The following THSD4 variants were observed in gnomAD, a reference collection of about 807,000 sequenced individuals.
The protein encoded by THSD4 is thrombospondin type 1 domain containing 4.
In THSD4, 69 loss-of-function variants were observed where a neutral mutation model predicts 119.0. That is an observed-to-expected ratio of 0.58 (90% confidence interval 0.48 to 0.71). The LOEUF is 0.71. Ranked by LOEUF, THSD4 falls within the 30% of genes least tolerant of loss-of-function variation. The pLI, the probability that THSD4 is intolerant of heterozygous loss-of-function variation, is 0.00. For synonymous variants in THSD4, 524 were observed against 540.4 expected (o/e 0.97, Z 0.42); for missense variants, 1,393 against 1,391.1 (o/e 1.00, Z -0.02).
At chr15:71,611,135 C>T (rs1313951834) in intron 7 of THSD4, among the ~76,000 whole-genome samples, 2 of 152,190 alleles carry the variant, frequency 1.3e-5, no homozygotes, top group African/African-American at 2.4e-5. Context: ...TGGCCTGAGC[C>T]GTGATTATGC....
chr15:71,747,135 T>C, intron 13 of THSD4, 93 bp downstream of exon 13: 1 of 1,418,194 alleles, frequency 7.1e-7, no homozygotes, highest in Non-Finnish European at 9.5e-7. Context: ...TGGGTAACCC[T>C]GAGTTCCACA....
rs58309087 is a variant in THSD4 at position 71,682,855 on chromosome 15, ACTTTCTTTCTTTCTTT to A, written c.1357+22161_1357+22176del. Among the ~76,000 whole-genome samples, 69 of 108,922 alleles carry A rather than the reference ACTTTCTTTCTTTCTTT, an allele frequency of 6.3e-4. 2 individuals are homozygous for A. The highest frequency in any genetic ancestry group is 1.9e-3 in the African/African-American group (52 of 27,072). 71.5% of individuals were successfully genotyped at this position (108,922 alleles called of 152,430 possible). A position where few individuals can be genotyped will look rare whatever the true frequency, so the allele number is the denominator to read the frequency against. ...CATGGCAATTCTTCCCTCTTTTGCT[ACTTTCTTTCTTTCTTT>A]CTTTCTTTCTTTCTTTCTTTCTTTC... On this transcript the variant is annotated intron_variant, in intron 8 of 17. Coordinates refer to ENST00000261862, the MANE Select transcript of THSD4 (RefSeq NM_024817.3).
Position 71,341,499 on chromosome 15 carries a change from G to A in THSD4, c.1016-70188G>A, listed in dbSNP as rs1283482807. ...TGTGTCCAGCCCCACTGCTTGGCCT[G>A]CGCACACCTGCCAACTCCACCGTTG... On this transcript the variant is annotated intron_variant, in intron 6 of 17. Transcript: ENST00000261862. 3 of 1,612,670 alleles carry A rather than the reference G, an allele frequency of 1.9e-6. No individual in the cohort carries two copies. The African/African-American group carries it at 4.0e-5, about 22-fold the overall frequency.
At chr15:71,618,957 G>A (rs911522908) in intron 7 of THSD4, among the ~76,000 whole-genome samples, 16 of 151,324 alleles carry the variant, frequency 1.1e-4, no homozygotes, top group Non-Finnish European at 2.2e-4. Flanking sequence ...TTAATTTGGT[G>A]GATACTTGAA....
intron 4 of THSD4, among the ~76,000 whole-genome samples, chr15:71,237,624 AC>A (rs577161523): frequency 2.6e-4 from 40 of 152,032 alleles, no homozygotes; most frequent in African/African-American, 8.4e-4. Flanking sequence ...TTTTAGTGAG[AC>A]CCCCGGGTGA....
chr15:71,537,735 T>C (rs980357973), intron 7 of THSD4, among the ~76,000 whole-genome samples: 1 of 152,050 alleles, frequency 6.6e-6, no homozygotes, highest in Non-Finnish European at 1.5e-5. Flanking sequence ...CTACTGTGTA[T>C]TTGGCTTTAA....
At position 71,481,177 on chromosome 15, in the gene THSD4, A is replaced by AT. The variant is rs1182405138; in HGVS notation, c.1152+69356dup. Among the ~76,000 whole-genome samples the AT allele has an allele frequency of 3.9e-5, 6 of 152,198 alleles. No homozygotes were observed. In the East Asian group the frequency reaches 1.2e-3, roughly 29 times the overall value. The stretch of plus-strand genomic sequence containing the variant: ...GCTCTAAAAAGTGAAAAATTCTCAC[A>AT]TTAAATGTAACATTTAGACTCTGTG... On this transcript the variant is annotated intron_variant, in intron 7 of 17. Coordinates refer to ENST00000261862, the MANE Select transcript of THSD4 (RefSeq NM_024817.3).
intron 6 of THSD4, among the ~76,000 whole-genome samples, chr15:71,288,527 C>T (rs949095860): frequency 3.9e-5 from 6 of 152,154 alleles, no homozygotes; most frequent in African/African-American, 1.4e-4. Context: ...AATACCCTGA[C>T]TTATCTTACC....
chr15:71,598,293 G>A (rs2049943179), intron 7 of THSD4, among the ~76,000 whole-genome samples: 1 of 152,182 alleles, frequency 6.6e-6, no homozygotes, highest in African/African-American at 2.4e-5. Context: ...TACATTTGAA[G>A]AGTGCTAGTT....
At chr15:71,744,451 T>TA (rs1050340479) in intron 11 of THSD4, among the ~76,000 whole-genome samples, 1 of 152,118 alleles carries the variant, frequency 6.6e-6, no homozygotes, top group Non-Finnish European at 1.5e-5. Flanking sequence ...ATTGGATGGG[T>TA]ACTTTATTAG....
At chr15:71,283,207 G>T (rs996983497) in intron 6 of THSD4, among the ~76,000 whole-genome samples, 1 of 152,072 alleles carries the variant, frequency 6.6e-6, no homozygotes, top group African/African-American at 2.4e-5. Context: ...CTGATGTCAC[G>T]ATCCGCCAGC....
intron 5 of THSD4, among the ~76,000 whole-genome samples, chr15:71,255,282 C>G (rs1398171691): frequency 6.6e-6 from 1 of 152,130 alleles, no homozygotes; most frequent in Non-Finnish European, 1.5e-5. Flanking sequence ...CAGAGTATAG[C>G]TTGGGTTCAA....
chr15:71,602,423 C>T (rs533669076), intron 7 of THSD4, among the ~76,000 whole-genome samples: 163 of 151,382 alleles, frequency 1.1e-3, no homozygotes, highest in African/African-American at 2.7e-3. Flanking sequence ...TGTGGTGGCG[C>T]ATGCCTCTAA....
intron 6 of THSD4, among the ~76,000 whole-genome samples, chr15:71,317,580 A>C (rs2045206991): frequency 2.0e-5 from 3 of 152,204 alleles, no homozygotes; most frequent in Non-Finnish European, 4.4e-5. Context: ...CCCTCCCATG[A>C]TATATGGAAG....
At chr15:71,312,648 A>G (rs1183525175) in intron 6 of THSD4, among the ~76,000 whole-genome samples, 1 of 152,012 alleles carries the variant, frequency 6.6e-6, no homozygotes, top group East Asian at 1.9e-4. Flanking sequence ...ACACATGATC[A>G]TATAACCTGC....
chr15:71,158,651 G>GT (rs1276382927), intron 3 of THSD4, among the ~76,000 whole-genome samples: 7 of 141,752 alleles, frequency 4.9e-5, no homozygotes, highest in African/African-American at 2.1e-4. Context: ...TTGTTGAGTT[G>GT]GTTTTTTTTT....
At chr15:71,290,650 A>G (rs1381217556) in intron 6 of THSD4, among the ~76,000 whole-genome samples, 5 of 152,184 alleles carry the variant, frequency 3.3e-5, no homozygotes, top group Admixed American at 1.3e-4. Flanking sequence ...GCTTAATTTA[A>G]AAAGTATTTT....
At chr15:71,267,152 A>T (rs866777836) in intron 6 of THSD4, among the ~76,000 whole-genome samples, 1 of 152,278 alleles carries the variant, frequency 6.6e-6, no homozygotes, top group South Asian at 2.1e-4. Flanking sequence ...ACCCCAAGAC[A>T]CATAATTGTC....
intron 7 of THSD4, among the ~76,000 whole-genome samples, chr15:71,492,799 T>C (rs2047942060): frequency 6.6e-6 from 1 of 152,088 alleles, no homozygotes; most frequent in African/African-American, 2.4e-5. Context: ...ATCAATTCCA[T>C]GCTCATGGAA....
Sources: allele counts gnomAD v4.1 joint callset (sites outside exome capture counted in the v4.1 genomes callset), GRCh38; gene constraint gnomAD v4.1.1; transcripts MANE v1.5; gene names NCBI Gene and HGNC (gene_info 2026-07-23, HGNC 2026-07-21).